The following GSG1L variants were observed in gnomAD, a reference collection of about 807,000 sequenced individuals.
GSG1L encodes GSG1 like.
Under a neutral mutation model 42.1 loss-of-function variants are expected in GSG1L, and 24 were observed. That is an observed-to-expected ratio of 0.57 (90% confidence interval 0.41 to 0.80). GSG1L has a LOEUF of 0.80. GSG1L is among the 30% of genes least tolerant of loss of function. GSG1L has a pLI of 0.00. For missense variants in GSG1L, 445 were observed against 472.2 expected, an observed-to-expected ratio of 0.94 and a Z score of 0.53; for synonymous variants, 215 against 203.5, an observed-to-expected ratio of 1.06 and a Z score of -0.48.
intron 1 of GSG1L, among the ~76,000 whole-genome samples, chr16:28,033,940 G>A (rs1421599839): frequency 6.6e-6 from 1 of 152,152 alleles, no homozygotes; most frequent in Non-Finnish European, 1.5e-5. Flanking sequence ...CCCTCTTCAA[G>A]GGAGTCCACA....
chr16:27,911,385 G>C (rs571532133), intron 2 of GSG1L, among the ~76,000 whole-genome samples: 1 of 151,876 alleles, frequency 6.6e-6, no homozygotes, highest in South Asian at 2.1e-4. Flanking sequence ...CCGCCTCCCA[G>C]GTTCAAGCTA....
At chr16:27,807,245 A>G (rs1174363591) in intron 6 of GSG1L, among the ~76,000 whole-genome samples, 2 of 151,900 alleles carry the variant, frequency 1.3e-5, no homozygotes, top group African/African-American at 2.4e-5. Context: ...GCTCCCTGGA[A>G]CTCCAGTCTC....
In GSG1L at chr16:27,928,806, G is replaced by A. The variant is rs575388869; in HGVS notation, c.397+34350C>T. On this transcript the variant is annotated intron_variant, in intron 2 of 6. Transcript: ENST00000447459. ...TATCCCAAGAGACCAGACACCAGCC[G>A]GCGCTCCACTTAATGCCAGCCAGAG... is the stretch of plus-strand genomic sequence containing the variant. Among the ~76,000 whole-genome samples the A allele has an allele frequency of 3.0e-4, 45 of 152,330 alleles. 3 individuals are homozygous for A. Among genetic ancestry groups the A allele is most frequent in the East Asian group, 1.7e-3 (9 of 5,172 alleles).
At chr16:27,870,478 T>A (rs905734845) in intron 3 of GSG1L, among the ~76,000 whole-genome samples, 2 of 151,424 alleles carry the variant, frequency 1.3e-5, no homozygotes, top group African/African-American at 4.9e-5. Context: ...TCTCCTTAAG[T>A]GTGTGTCTCC....
intron 2 of GSG1L, among the ~76,000 whole-genome samples, chr16:27,890,109 T>C (rs1596589865): frequency 6.6e-6 from 1 of 152,148 alleles, no homozygotes; most frequent in South Asian, 2.1e-4. Flanking sequence ...TGTTAGCAGG[T>C]TGTTGCCACC....
At chr16:27,964,843 A>G (rs987680748) in intron 1 of GSG1L, among the ~76,000 whole-genome samples, 4 of 152,144 alleles carry the variant, frequency 2.6e-5, no homozygotes, top group Non-Finnish European at 1.5e-5. Context: ...GTTAGAAAGA[A>G]TGAATAAGAC....
At chr16:27,944,152 G>A (rs1430351575) in intron 2 of GSG1L, among the ~76,000 whole-genome samples, 1 of 152,118 alleles carries the variant, frequency 6.6e-6, no homozygotes, top group Non-Finnish European at 1.5e-5. Context: ...AACCTTAGCT[G>A]TAATAAAGTT....
At chr16:27,999,310 G>T (rs925524511) in intron 1 of GSG1L, among the ~76,000 whole-genome samples, 1 of 152,090 alleles carries the variant, frequency 6.6e-6, no homozygotes, top group African/African-American at 2.4e-5. Flanking sequence ...GTGTGTGGTG[G>T]TGCATGCCTG....
intron 3 of GSG1L, among the ~76,000 whole-genome samples, chr16:27,866,059 T>C (rs891529618): frequency 1.3e-5 from 2 of 152,118 alleles, no homozygotes; most frequent in Non-Finnish European, 2.9e-5. Flanking sequence ...TCTGCCTTCC[T>C]GTGTATCTTT....
chr16:28,037,285 C>T (rs920168660), intron 1 of GSG1L, among the ~76,000 whole-genome samples: 1 of 152,240 alleles, frequency 6.6e-6, no homozygotes, highest in Non-Finnish European at 1.5e-5. Flanking sequence ...CTCGGCCCCC[C>T]AAAGTGCTGG....
At chr16:27,794,723 C>T (rs909453067) in intron 6 of GSG1L, among the ~76,000 whole-genome samples, 6 of 152,166 alleles carry the variant, frequency 3.9e-5, no homozygotes, top group African/African-American at 7.2e-5. Flanking sequence ...GTATTTTCAA[C>T]AATCTGTGGG....
At chr16:28,019,495 T>C (rs1049452504) in intron 1 of GSG1L, among the ~76,000 whole-genome samples, 6 of 152,174 alleles carry the variant, frequency 3.9e-5, no homozygotes, top group Admixed American at 3.9e-4. Context: ...TTTTCACGAG[T>C]AGCCATTGGA....
intron 2 of GSG1L, among the ~76,000 whole-genome samples, chr16:27,934,465 G>C (rs1596624559): frequency 6.6e-6 from 1 of 152,186 alleles, no homozygotes. Context: ...AACCTGGGAG[G>C]CGGAGGTTGC....
chr16:27,858,271 CG>C (rs1448201752), intron 3 of GSG1L, among the ~76,000 whole-genome samples: 1 of 152,188 alleles, frequency 6.6e-6, no homozygotes, highest in African/African-American at 2.4e-5. Context: ...CTCTTTACCC[CG>C]GGCACTTTAC....
At chr16:28,034,030 A>G (rs547544003) in intron 1 of GSG1L, among the ~76,000 whole-genome samples, 10 of 152,144 alleles carry the variant, frequency 6.6e-5, no homozygotes, top group Admixed American at 1.3e-4. Flanking sequence ...CAGGGTTCCC[A>G]TGCAGGACTT....
At chr16:28,027,484 A>C (rs557340549) in intron 1 of GSG1L, among the ~76,000 whole-genome samples, 9 of 152,304 alleles carry the variant, frequency 5.9e-5, no homozygotes, top group African/African-American at 1.2e-4. Context: ...TCTGGTAGTG[A>C]AGATAGAAAT....
At chr16:27,815,795 CT>C (rs2083087943) in intron 5 of GSG1L, among the ~76,000 whole-genome samples, 1 of 152,082 alleles carries the variant, frequency 6.6e-6, no homozygotes, top group Non-Finnish European at 1.5e-5. Flanking sequence ...ATAGGGAGAT[CT>C]AGTCTCTACC....
At position 27,807,512 on chromosome 16, in the gene GSG1L, G is replaced by A. The variant is rs779863070; in HGVS notation, c.873C>T (p.Asp291=). Residue 291 remains aspartate, a synonymous_variant, in exon 6 of 7, where the codon GAC becomes GAT. Coordinates refer to ENST00000447459, the MANE Select transcript of GSG1L (RefSeq NM_001109763.2). ...RDGSEEDFHL[D]CRHERYPARH... is the part of the protein sequence containing the mutation. The stretch of plus-strand genomic sequence containing the variant: ...GGGCAGGGTATCTCTCGTGGCGGCA[G>A]TCTAAGTGAAAGTCCTCCTCGCTCC... The A allele has an allele frequency of 6.2e-7, 1 of 1,613,184 alleles. No homozygotes were observed. Among genetic ancestry groups the A allele is most frequent in the Non-Finnish European group, 8.5e-7 (1 of 1,179,930 alleles).
rs1010524191 is a variant in GSG1L, at chr16:27,789,354, T to G, written c.*2016A>C. The stretch of plus-strand genomic sequence containing the variant: ...GGATGTGTGGATGACGGATAATGGA[T>G]GGATGGATGGTTGATGGATAATGGG... On this transcript the variant is annotated 3_prime_UTR_variant, in exon 7 of 7. Transcript: ENST00000447459. The G allele has an allele frequency of 6.6e-6, 1 of 151,398 alleles. No homozygotes were observed. Among genetic ancestry groups the G allele is most frequent in the African/African-American group, 2.4e-5 (1 of 41,190 alleles). The allele number at this position is 151,398 out of a possible 1,614,324, so 9.4% of individuals were successfully genotyped here.
Sources: gnomAD v4.1 joint callset for allele counts (sites outside exome capture counted in the v4.1 genomes callset) on GRCh38, gnomAD v4.1.1 for gene constraint, MANE v1.5 for transcripts, NCBI Gene and HGNC (gene_info 2026-07-23, HGNC 2026-07-21) for gene names.